LRRC4C: variants seen among roughly 807,000 people sequenced by gnomAD.
LRRC4C encodes the protein leucine rich repeat containing 4C.
Under a neutral mutation model 33.6 loss-of-function variants are expected in LRRC4C, and 5 were observed. The ratio of observed to expected loss-of-function variants is 0.15; its 90% confidence interval spans 0.08 to 0.31. LRRC4C has a LOEUF of 0.31. Ranked by LOEUF, LRRC4C falls within the 10% of genes least tolerant of loss-of-function variation. The pLI is 1.00. For synonymous variants in LRRC4C, 329 were observed against 302.0 expected (o/e 1.09, Z -0.93); for missense variants, 560 against 796.7 (o/e 0.70, Z 3.58).
chr11:40,895,585 G>T (rs181882012), intron 2 of LRRC4C, among the ~76,000 whole-genome samples: 1 of 152,018 alleles, frequency 6.6e-6, no homozygotes, highest in Non-Finnish European at 1.5e-5. Flanking sequence ...TGTTTTAAAA[G>T]GTATTTAGAA....
chr11:41,271,782 GA>G (rs934661821), intron 1 of LRRC4C, among the ~76,000 whole-genome samples: 3 of 151,876 alleles, frequency 2.0e-5, no homozygotes, highest in Admixed American at 6.6e-5. Context: ...ATAGTAGGTT[GA>G]AAAAAAAGTG....
chr11:41,011,825 T>C (rs1855212414), intron 1 of LRRC4C, among the ~76,000 whole-genome samples: 2 of 146,762 alleles, frequency 1.4e-5, no homozygotes, highest in South Asian at 2.1e-4. Flanking sequence ...CTATGTTATA[T>C]ATTATATTAT....
chr11:40,579,369 G>A (rs921195500), intron 3 of LRRC4C, among the ~76,000 whole-genome samples: 1 of 151,930 alleles, frequency 6.6e-6, no homozygotes, highest in Non-Finnish European at 1.5e-5. Flanking sequence ...AGTAAGAAGT[G>A]TTGTGGCTAA....
At chr11:40,187,782 G>T (rs1351926135) in intron 5 of LRRC4C, among the ~76,000 whole-genome samples, 1 of 152,094 alleles carries the variant, frequency 6.6e-6, no homozygotes. Context: ...TTTCATAGAT[G>T]AGGAGCTTTT....
intron 2 of LRRC4C, among the ~76,000 whole-genome samples, chr11:40,727,409 A>C (rs1947337262): frequency 6.6e-6 from 1 of 152,188 alleles, no homozygotes; most frequent in Non-Finnish European, 1.5e-5. Flanking sequence ...ATATATAAAA[A>C]ATTAACTCAA....
At chr11:41,284,654 T>C (rs1949768411) in intron 1 of LRRC4C, among the ~76,000 whole-genome samples, 2 of 152,312 alleles carry the variant, frequency 1.3e-5, no homozygotes, top group South Asian at 4.1e-4. Context: ...TTTTATTCTG[T>C]GTTAAAAATC....
intron 1 of LRRC4C, among the ~76,000 whole-genome samples, chr11:41,181,332 T>C (rs559157683): frequency 4.2e-4 from 64 of 152,248 alleles, no homozygotes; most frequent in Non-Finnish European, 7.6e-4. Context: ...TGATGCATAC[T>C]GAAACAGTGA....
At chr11:40,842,804 G>A (rs1367109629) in intron 2 of LRRC4C, among the ~76,000 whole-genome samples, 1 of 152,014 alleles carries the variant, frequency 6.6e-6, no homozygotes, top group African/African-American at 2.4e-5. Context: ...ACAATCACCT[G>A]GTAAATTGTC....
intron 5 of LRRC4C, among the ~76,000 whole-genome samples, chr11:40,167,599 A>G (rs958739654): frequency 6.6e-6 from 1 of 152,172 alleles, no homozygotes; most frequent in African/African-American, 2.4e-5. Context: ...ATTCTATGAC[A>G]GAAAGTTCTC....
At chr11:41,295,070 A>G (rs566534587) in intron 1 of LRRC4C, among the ~76,000 whole-genome samples, 57 of 152,344 alleles carry the variant, frequency 3.7e-4, no homozygotes, top group Non-Finnish European at 6.6e-4. Flanking sequence ...AAATGCTTAC[A>G]CTATTTCATT....
chr11:40,436,844 T>C (rs901044524), intron 3 of LRRC4C, among the ~76,000 whole-genome samples: 3 of 152,086 alleles, frequency 2.0e-5, no homozygotes, highest in African/African-American at 7.2e-5. Flanking sequence ...AGTTCCCAAC[T>C]GAGGCTGGAG....
intron 1 of LRRC4C, among the ~76,000 whole-genome samples, chr11:41,337,149 T>C (rs1308678797): frequency 6.6e-6 from 1 of 152,104 alleles, no homozygotes; most frequent in Admixed American, 6.5e-5. Context: ...GGCTCAAGCA[T>C]TGCTTCTGAC....
chr11:40,482,906 C>T (rs1392948205), intron 3 of LRRC4C, among the ~76,000 whole-genome samples: 1 of 152,158 alleles, frequency 6.6e-6, no homozygotes, highest in Non-Finnish European at 1.5e-5. Flanking sequence ...AGTAAATGTA[C>T]CTTCAATGGG....
At chr11:40,890,161 T>C (rs1164249949) in intron 2 of LRRC4C, among the ~76,000 whole-genome samples, 2 of 152,134 alleles carry the variant, frequency 1.3e-5, no homozygotes, top group African/African-American at 4.8e-5. Flanking sequence ...GGAAAACACA[T>C]ACCCTGCATA....
intron 1 of LRRC4C, among the ~76,000 whole-genome samples, chr11:41,444,985 TAG>T (rs1035447171): frequency 3.7e-4 from 56 of 152,208 alleles, no homozygotes; most frequent in African/African-American, 1.3e-3. Context: ...GTATTTTTAG[TAG>T]AGACAGGGTT....
At chr11:40,228,461 T>G (rs1163338928) in intron 5 of LRRC4C, among the ~76,000 whole-genome samples, 3 of 152,048 alleles carry the variant, frequency 2.0e-5, no homozygotes, top group Admixed American at 2.0e-4. Flanking sequence ...AAAAAAAATC[T>G]CTCCTAAGGG....
chr11:41,080,575 A>T (rs906428577), intron 1 of LRRC4C, among the ~76,000 whole-genome samples: 14 of 151,268 alleles, frequency 9.3e-5, no homozygotes, highest in Non-Finnish European at 1.0e-4. Flanking sequence ...CTGGTCTCGA[A>T]CTCCCGACCT....
intron 3 of LRRC4C, among the ~76,000 whole-genome samples, chr11:40,421,022 G>A (rs1950505970): frequency 1.3e-5 from 2 of 152,156 alleles, no homozygotes; most frequent in Non-Finnish European, 2.9e-5. Context: ...AGTATCCAGT[G>A]AATTAGGTAA....
chr11:40,888,147 C>G (rs1204435226), intron 2 of LRRC4C, among the ~76,000 whole-genome samples: 1 of 151,740 alleles, frequency 6.6e-6, no homozygotes, highest in Non-Finnish European at 1.5e-5. Flanking sequence ...TGTGAAAATT[C>G]CAGGGTTCTG....
Sources: allele counts gnomAD v4.1 joint callset (sites outside exome capture counted in the v4.1 genomes callset), GRCh38; gene constraint gnomAD v4.1.1; transcripts MANE v1.5; gene names NCBI Gene and HGNC (gene_info 2026-07-23, HGNC 2026-07-21).